CSMD1: variants seen among roughly 807,000 people sequenced by gnomAD.
CSMD1 encodes CUB and Sushi multiple domains 1, also known as CUB and sushi domain-containing protein 1.
In CSMD1, 213 loss-of-function variants were observed where a neutral mutation model predicts 417.5. The ratio of observed to expected loss-of-function variants is 0.51; its 90% CI spans 0.46 to 0.57. CSMD1 has a LOEUF of 0.57. Among genes scored for constraint, CSMD1 ranks in the 20% least tolerant of loss-of-function variants. The pLI, the probability that CSMD1 is intolerant of heterozygous loss-of-function variation, is 0.00. For missense variants in CSMD1, 6,923 were observed against 4,529.7 expected (o/e 1.53, Z -15.17); for synonymous variants, 2,862 against 1,736.8 (o/e 1.65, Z -16.11).
At chr8:4,050,374 C>T (rs1236116721) in intron 3 of CSMD1, among the ~76,000 whole-genome samples, 1 of 152,110 alleles carries the variant, frequency 6.6e-6, no homozygotes, top group Non-Finnish European at 1.5e-5. Context: ...AGCAGAGAAT[C>T]TACAAACTTT....
Position 3,865,553 on chromosome 8 carries a change from C to T in CSMD1, c.819-111511G>A, listed in dbSNP as rs529996817. Reference sequence around the variant, plus strand: ...TGGAGGCAATGAGGGACCAAGCAGGCACGTACAGTGGGAAGCCGCAGGAGA... The same window carrying T: ...TGGAGGCAATGAGGGACCAAGCAGGTACGTACAGTGGGAAGCCGCAGGAGA... On this transcript the variant is annotated intron_variant, in intron 5 of 69. Coordinates refer to ENST00000635120, the MANE Select transcript of CSMD1 (RefSeq NM_033225.6). Among the ~76,000 whole-genome samples, 422 of 152,140 alleles carry T rather than the reference C, an allele frequency of 2.8e-3. 2 individuals carry two copies. Among genetic ancestry groups the T allele is most frequent in the Non-Finnish European group, 2.9e-3 (200 of 68,010 alleles).
chr8:3,285,795 A>C (rs1024297425), intron 25 of CSMD1, among the ~76,000 whole-genome samples: 5 of 151,666 alleles, frequency 3.3e-5, no homozygotes, highest in African/African-American at 1.2e-4. Flanking sequence ...CACACTCTGA[A>C]GTTGTAATGT....
rs1797783982 is a variant in CSMD1, at chr8:3,214,528, G to C, written c.4836C>G (p.Pro1612=). The C allele has an allele frequency of 1.2e-6, 2 of 1,600,304 alleles. No individual in the cohort carries two copies. The highest frequency in any genetic ancestry group is 1.1e-5 in the South Asian group (1 of 87,956). ...AGGAGGGCAGCACTTGGTCCCAGGA[G>C]GGTTTCCCATCAGCCCCAATCACAC... ...ITCVIGADGK[P]SWDQVLPSCN... is the part of the protein sequence containing the mutation. The change falls in exon 30 of 70, where the codon CCC becomes CCG. Residue 1612 remains proline, a synonymous_variant. Transcript: ENST00000635120.
intron 5 of CSMD1, among the ~76,000 whole-genome samples, chr8:3,935,200 C>G (rs1009222494): frequency 2.0e-5 from 3 of 152,090 alleles, no homozygotes; most frequent in East Asian, 3.9e-4. Flanking sequence ...TTACTAATAA[C>G]AAAGCTCCAA....
At chr8:4,011,100 T>C (rs1012724686) in intron 4 of CSMD1, among the ~76,000 whole-genome samples, 2 of 152,122 alleles carry the variant, frequency 1.3e-5, no homozygotes, top group African/African-American at 2.4e-5. Context: ...ACAAAGAAAA[T>C]AGAAGCAATG....
intron 3 of CSMD1, among the ~76,000 whole-genome samples, chr8:4,068,903 T>A (rs148164821): frequency 6.6e-6 from 1 of 152,354 alleles, no homozygotes; most frequent in Non-Finnish European, 1.5e-5. Flanking sequence ...ATGGTTATAA[T>A]AACCAAATAA....
At chr8:4,053,267 G>C (rs929583982) in intron 3 of CSMD1, among the ~76,000 whole-genome samples, 1 of 152,190 alleles carries the variant, frequency 6.6e-6, no homozygotes, top group Non-Finnish European at 1.5e-5. Flanking sequence ...TTTATTCAAA[G>C]AAAAGTATTT....
chr8:4,051,881 T>TTTCTC (rs1554429027), intron 3 of CSMD1, among the ~76,000 whole-genome samples: 21 of 134,036 alleles, frequency 1.6e-4, no homozygotes, highest in African/African-American at 9.1e-5. Context: ...TCCTCCTTTC[T>TTTCTC]TCCTTCCTTC....
chr8:3,033,947 C>G (rs1234967598), intron 50 of CSMD1, among the ~76,000 whole-genome samples: 1 of 152,120 alleles, frequency 6.6e-6, no homozygotes, highest in African/African-American at 2.4e-5. Flanking sequence ...TCACAGCAGC[C>G]TTGCTTCAGC....
intron 3 of CSMD1, among the ~76,000 whole-genome samples, chr8:4,141,204 C>G (rs1803769930): frequency 6.6e-6 from 1 of 151,112 alleles, no homozygotes; most frequent in South Asian, 2.1e-4. Flanking sequence ...TGTGATCTAT[C>G]AGAAAGACTG....
chr8:4,793,684 G>C (rs535240783), intron 1 of CSMD1, among the ~76,000 whole-genome samples: 10 of 152,108 alleles, frequency 6.6e-5, no homozygotes, highest in African/African-American at 1.9e-4. Context: ...GGAGAAGAAA[G>C]TGTACATGGA....
chr8:4,312,369 T>C (rs1798661545), intron 3 of CSMD1, among the ~76,000 whole-genome samples: 1 of 113,060 alleles, frequency 8.8e-6, no homozygotes. Flanking sequence ...TTACTTTTAA[T>C]GGAACAAATA....
intron 3 of CSMD1, among the ~76,000 whole-genome samples, chr8:4,343,195 T>C (rs1800579658): frequency 6.6e-6 from 1 of 152,096 alleles, no homozygotes; most frequent in Non-Finnish European, 1.5e-5. Flanking sequence ...CAGCTTGCTT[T>C]GTTAGAGCAT....
intron 5 of CSMD1, among the ~76,000 whole-genome samples, chr8:3,905,140 C>T (rs1422750023): frequency 1.3e-5 from 2 of 151,946 alleles, no homozygotes; most frequent in African/African-American, 2.4e-5. Context: ...CAGAGAGAAT[C>T]CTTCCATTTA....
chr8:4,183,734 A>G (rs1245218433), intron 3 of CSMD1, among the ~76,000 whole-genome samples: 1 of 152,236 alleles, frequency 6.6e-6, no homozygotes, highest in Admixed American at 6.5e-5. Context: ...ATATCATTTT[A>G]AAAGATTAGT....
chr8:4,109,762 G>C (rs935664365), intron 3 of CSMD1, among the ~76,000 whole-genome samples: 1 of 152,088 alleles, frequency 6.6e-6, no homozygotes, highest in Non-Finnish European at 1.5e-5. Flanking sequence ...TGTAACATAA[G>C]ACAGTTTGAT....
At chr8:3,567,776 C>G (rs923833208) in intron 10 of CSMD1, among the ~76,000 whole-genome samples, 1 of 152,188 alleles carries the variant, frequency 6.6e-6, no homozygotes. Flanking sequence ...TTCCCTCACA[C>G]CCTCTGCTAC....
At chr8:4,864,791 T>G (rs1414083280) in intron 1 of CSMD1, among the ~76,000 whole-genome samples, 5 of 151,424 alleles carry the variant, frequency 3.3e-5, no homozygotes, top group Non-Finnish European at 7.4e-5. Flanking sequence ...CTAAAGCAGA[T>G]AATTTTTGTA....
At chr8:3,566,433 C>G (rs1022954339) in intron 10 of CSMD1, among the ~76,000 whole-genome samples, 1 of 152,070 alleles carries the variant, frequency 6.6e-6, no homozygotes. Context: ...CTAGGCACCA[C>G]TGTACCTAGG....
Sources: gnomAD v4.1 joint callset for allele counts (sites outside exome capture counted in the v4.1 genomes callset) on GRCh38, gnomAD v4.1.1 for gene constraint, MANE v1.5 for transcripts, NCBI Gene and HGNC (gene_info 2026-07-23, HGNC 2026-07-21) for gene names.